Variants in SETBP1 observed in about 807,000 individuals in gnomAD.
The protein encoded by SETBP1 is SET binding protein 1, also known as SET-binding protein.
A neutral mutation model predicts 101.0 loss-of-function variants in SETBP1; 9 were observed. That is an observed-to-expected ratio of 0.09 (90% CI 0.05 to 0.16). SETBP1 has a LOEUF of 0.16. Ranked by LOEUF, SETBP1 falls within the 10% of genes least tolerant of loss-of-function variation. SETBP1 has a pLI of 1.00. For missense variants in SETBP1, 1,858 were observed against 2,033.8 expected (o/e 0.91, Z 1.66); for synonymous variants, 818 against 788.5 (o/e 1.04, Z -0.63).
intron 2 of SETBP1, among the ~76,000 whole-genome samples, chr18:44,738,372 T>C (rs1396877234): frequency 2.6e-5 from 4 of 152,216 alleles, no homozygotes; most frequent in Non-Finnish European, 5.9e-5. Context: ...AAGAGCTCCA[T>C]AGCCCTGAAA....
intron 2 of SETBP1, among the ~76,000 whole-genome samples, chr18:44,760,191 A>G (rs904008908): frequency 6.6e-6 from 1 of 152,206 alleles, no homozygotes; most frequent in Non-Finnish European, 1.5e-5. Flanking sequence ...AAAGGTGGCC[A>G]TATAGAATAT....
intron 2 of SETBP1, among the ~76,000 whole-genome samples, chr18:44,809,598 C>G (rs1244110060): frequency 6.6e-6 from 1 of 152,168 alleles, no homozygotes; most frequent in Non-Finnish European, 1.5e-5. Flanking sequence ...GGAAGAGGCT[C>G]TGTCAAGCAA....
chr18:44,796,466 A>G (rs1292938532), intron 2 of SETBP1, among the ~76,000 whole-genome samples: 3 of 152,190 alleles, frequency 2.0e-5, no homozygotes, highest in African/African-American at 4.8e-5. Context: ...TAAAATACCA[A>G]TGCCTGTTTC....
At chr18:44,760,499 T>C (rs1223759751) in intron 2 of SETBP1, among the ~76,000 whole-genome samples, 1 of 152,158 alleles carries the variant, frequency 6.6e-6, no homozygotes, top group African/African-American at 2.4e-5. Flanking sequence ...AAGGAAGGAG[T>C]GAGGCTTTGA....
intron 2 of SETBP1, among the ~76,000 whole-genome samples, chr18:44,787,227 G>T (rs1166428114): frequency 6.6e-6 from 1 of 152,144 alleles, no homozygotes; most frequent in Non-Finnish European, 1.5e-5. Flanking sequence ...CTTGTTTATG[G>T]TGATATAGCT....
chr18:44,779,978 G>A (rs372497533), intron 2 of SETBP1, among the ~76,000 whole-genome samples: 7 of 151,828 alleles, frequency 4.6e-5, no homozygotes, highest in Non-Finnish European at 8.8e-5. Context: ...ACACACGCAT[G>A]TGCACACTCA....
chr18:44,777,104 C>A (rs924444510), intron 2 of SETBP1, among the ~76,000 whole-genome samples: 1 of 152,100 alleles, frequency 6.6e-6, no homozygotes, highest in Non-Finnish European at 1.5e-5. Flanking sequence ...TCCCTTGAAG[C>A]CAGAAGGTTG....
At chr18:45,059,860 G>T (rs947381295) in intron 5 of SETBP1, among the ~76,000 whole-genome samples, 8 of 152,100 alleles carry the variant, frequency 5.3e-5, no homozygotes, top group African/African-American at 1.4e-4. Flanking sequence ...GGTTGCCTTG[G>T]GGGGAAGTAG....
chr18:44,760,877 T>G (rs879644684), intron 2 of SETBP1, among the ~76,000 whole-genome samples: 28 of 152,314 alleles, frequency 1.8e-4, no homozygotes, highest in Admixed American at 1.5e-3. Context: ...GGAAGGAATC[T>G]TAAATAAGAT....
Position 44,741,879 on chromosome 18 carries a change from T to C in SETBP1, c.486+40047T>C, listed in dbSNP as rs1221399119. On this transcript the variant is annotated intron_variant, in intron 2 of 5. Transcript: ENST00000649279. ...TCAGTGCTCAGCCGAGAGAGCTTTCTTGGGTTCCAGTTCCCAGACTCACAA... is the reference window on the plus strand; with the variant it reads ...TCAGTGCTCAGCCGAGAGAGCTTTCCTGGGTTCCAGTTCCCAGACTCACAA... Among the ~76,000 whole-genome samples the C allele has an allele frequency of 2.0e-5, 3 of 152,320 alleles. No homozygotes were observed. In the South Asian group the frequency reaches 6.2e-4, roughly 32 times the overall value.
chr18:44,891,044 C>T (rs1380047417), intron 3 of SETBP1, among the ~76,000 whole-genome samples: 1 of 152,148 alleles, frequency 6.6e-6, no homozygotes, highest in Non-Finnish European at 1.5e-5. Context: ...TACAGTTCCA[C>T]GTGGCTGAGG....
At chr18:44,772,084 C>T (rs2070886696) in intron 2 of SETBP1, among the ~76,000 whole-genome samples, 2 of 152,156 alleles carry the variant, frequency 1.3e-5, no homozygotes, top group Admixed American at 6.5e-5. Context: ...CTTTATGCTT[C>T]CTCTTTCCCC....
intron 2 of SETBP1, among the ~76,000 whole-genome samples, chr18:44,736,856 G>T (rs961742208): frequency 6.6e-6 from 1 of 152,118 alleles, no homozygotes; most frequent in Non-Finnish European, 1.5e-5. Context: ...GTTTTATCTG[G>T]AAGTGTTTCA....
intron 4 of SETBP1, among the ~76,000 whole-genome samples, chr18:45,032,232 G>A (rs1328028954): frequency 6.6e-6 from 1 of 152,114 alleles, no homozygotes; most frequent in Non-Finnish European, 1.5e-5. Context: ...AGATCCCACT[G>A]AGATCTCATT....
intron 5 of SETBP1, among the ~76,000 whole-genome samples, chr18:45,041,466 G>A (rs16978257): frequency 2.6e-5 from 4 of 151,822 alleles, no homozygotes; most frequent in East Asian, 1.9e-4. Context: ...GTAGAATTAC[G>A]TCTGGCTTTA....
chr18:45,057,757 A>G (rs2073832897), intron 5 of SETBP1, among the ~76,000 whole-genome samples: 1 of 152,214 alleles, frequency 6.6e-6, no homozygotes, highest in African/African-American at 2.4e-5. Flanking sequence ...GCCTCCCTCC[A>G]CAATCCACCC....
chr18:44,882,827 G>T (rs535709711), intron 3 of SETBP1, among the ~76,000 whole-genome samples: 1 of 152,278 alleles, frequency 6.6e-6, no homozygotes, highest in African/African-American at 2.4e-5. Context: ...GGGTGTGTGT[G>T]TGCGTTCACA....
chr18:44,963,042 C>T lies in SETBP1; in HGVS notation c.4000+9702C>T, dbSNP rs143226904. Among the ~76,000 whole-genome samples the T allele has an allele frequency of 1.2e-3, 184 of 152,238 alleles. 2 individuals carry two copies. Among genetic ancestry groups the T allele is most frequent in the East Asian group, 0.012 (62 of 5,190 alleles). ...GGTCTGCAGATAGGTGTTGCTTTTC[C>T]ACTCGACAGCCAAGGAAATCAAAAC... On this transcript the variant is annotated intron_variant, in intron 4 of 5. Coordinates refer to ENST00000649279, the MANE Select transcript of SETBP1 (RefSeq NM_015559.3).
intron 2 of SETBP1, among the ~76,000 whole-genome samples, chr18:44,778,163 T>C (rs982737346): frequency 6.6e-6 from 1 of 152,172 alleles, no homozygotes. Context: ...CTGGAGGCAT[T>C]GATACTGAGC....
Sources: gnomAD v4.1 joint callset for allele counts (sites outside exome capture counted in the v4.1 genomes callset) on GRCh38, gnomAD v4.1.1 for gene constraint, MANE v1.5 for transcripts, NCBI Gene and HGNC (gene_info 2026-07-23, HGNC 2026-07-21) for gene names.